The following PLAC1 variants were observed in gnomAD, a reference collection of about 807,000 sequenced individuals.
The protein encoded by PLAC1 is placenta associated 1.
For synonymous variants in PLAC1, 68 were observed against 62.1 expected, an observed-to-expected ratio of 1.09 and a Z score of -0.44; for missense variants, 136 against 163.2, an observed-to-expected ratio of 0.83 and a Z score of 0.91.
In PLAC1 at chrX:134,596,704, C is replaced by T. The variant is rs180903798; in HGVS notation, c.-59+5347G>A. On this transcript the variant is annotated intron_variant, in intron 2 of 2. Coordinates refer to ENST00000359237, the MANE Select transcript of PLAC1 (RefSeq NM_021796.4). ...CTCTACCTCCCTGGGCTCAGTGATC[C>T]TCCTACTTGAGCCTCTCGAGTAGCT... Among the ~76,000 whole-genome samples, 6 of 110,997 alleles carry T rather than the reference C, an allele frequency of 5.4e-5. No individual in the cohort carries two copies. In the Admixed American group the frequency reaches 5.8e-4, roughly 11 times the overall value.
chrX:134,682,294 A>G (rs959687578), intron 2 of PLAC1, among the ~76,000 whole-genome samples: 2 of 112,079 alleles, frequency 1.8e-5, no homozygotes, highest in African/African-American at 3.2e-5. Flanking sequence ...TGCTTCTATA[A>G]TTAAACCGGA....
intron 2 of PLAC1, among the ~76,000 whole-genome samples, chrX:134,586,851 G>A (rs866457123): frequency 2.0e-5 from 2 of 102,036 alleles, no homozygotes; most frequent in African/African-American, 7.3e-5. Flanking sequence ...GTGTGTGTGT[G>A]TGTGTGTGTG....
chrX:134,736,043 C>T (rs778776504), intron 1 of PLAC1, among the ~76,000 whole-genome samples: 2 of 109,552 alleles, frequency 1.8e-5, no homozygotes, highest in East Asian at 2.9e-4. Flanking sequence ...TTTGGGAGGC[C>T]GAGGCAGGCG....
intron 2 of PLAC1, among the ~76,000 whole-genome samples, chrX:134,705,000 T>TTATATATATATATATATATATATATATA: frequency 1.2e-5 from 1 of 81,165 alleles, no homozygotes; most frequent in African/African-American, 5.2e-5. Flanking sequence ...CTCAAAAAAA[T>TTATATATATATATATATATATATATATA]TATATATATA....
chrX:134,616,862 G>A (rs1340399552), intron 1 of PLAC1, among the ~76,000 whole-genome samples: 1 of 108,018 alleles, frequency 9.3e-6, no homozygotes, highest in Non-Finnish European at 1.9e-5. Context: ...TGCAGCCTTC[G>A]CCTCCTTAGT....
Position 134,566,656 on chromosome X carries a change from C to T in PLAC1, c.27G>A (p.Leu9=). 8.3e-7 allele frequency: 1 copy of T among 1,201,329 alleles called. No individual in the cohort carries two copies. Among genetic ancestry groups the T allele is most frequent in the Non-Finnish European group, 1.1e-6 (1 of 888,057 alleles). The change falls in exon 3 of 3, where the codon CTG becomes CTA. Residue 9 remains leucine, a synonymous_variant. Transcript: ENST00000359237. MKVFKFIG[L]MILLTSAFSA... is the part of the protein sequence containing the mutation. ...AAAACGCAGAGGTGAGGAGGATCAT[C>T]AGTCCTATGAACTTAAAAACTTTCA...
intron 2 of PLAC1, among the ~76,000 whole-genome samples, chrX:134,729,888 T>C (rs986584431): frequency 9.0e-6 from 1 of 110,818 alleles, no homozygotes; most frequent in South Asian, 3.9e-4. Context: ...ACCTCCCAGG[T>C]TCAAGTGATT....
chrX:134,580,338 G>A (rs1015025158), intron 2 of PLAC1, among the ~76,000 whole-genome samples: 2 of 112,040 alleles, frequency 1.8e-5, no homozygotes, highest in Non-Finnish European at 3.8e-5. Flanking sequence ...GTATTACTGT[G>A]TTTAGGGCTG....
At chrX:134,642,326 G>A (rs1050531477) in intron 1 of PLAC1, among the ~76,000 whole-genome samples, 1 of 111,826 alleles carries the variant, frequency 8.9e-6, no homozygotes, top group African/African-American at 3.3e-5. Context: ...GCAACAGACT[G>A]TACTAGGAGC....
At chrX:134,575,683 T>C (rs993456342) in intron 2 of PLAC1, among the ~76,000 whole-genome samples, 3 of 106,331 alleles carry the variant, frequency 2.8e-5, no homozygotes, top group Non-Finnish European at 5.8e-5. Flanking sequence ...GCAGGAGAAT[T>C]GCTTGAACCC....
intron 2 of PLAC1, among the ~76,000 whole-genome samples, chrX:134,599,881 T>C (rs1356595273): frequency 9.0e-6 from 1 of 111,507 alleles, no homozygotes; most frequent in Non-Finnish European, 1.9e-5. Context: ...CTTAAAGCCA[T>C]TGGATTTTAT....
chrX:134,762,796 T>TCTATTAAAAGGAATCAA (rs2078772941), intron 1 of PLAC1, among the ~76,000 whole-genome samples: 1 of 79,262 alleles, frequency 1.3e-5, no homozygotes, highest in Non-Finnish European at 2.2e-5. Context: ...CACTCCAGCC[T>TCTATTAAAAGGAATCAA]GGGTGACAGA....
chrX:134,693,954 CA>C (rs1341460014), intron 2 of PLAC1, among the ~76,000 whole-genome samples: 6 of 111,062 alleles, frequency 5.4e-5, no homozygotes, highest in African/African-American at 1.6e-4. Flanking sequence ...TGATCTGGTA[CA>C]AGGTTGTAGG....
chrX:134,736,696 C>T (rs989549239), intron 1 of PLAC1, among the ~76,000 whole-genome samples: 1 of 112,072 alleles, frequency 8.9e-6, no homozygotes, highest in Non-Finnish European at 1.9e-5. Context: ...AAGGCTCTGG[C>T]GCCCTTCAAC....
intron 1 of PLAC1, among the ~76,000 whole-genome samples, chrX:134,622,149 G>A (rs2078214100): frequency 1.8e-5 from 2 of 111,762 alleles, no homozygotes; most frequent in Admixed American, 9.5e-5. Context: ...GAAGCTCTGT[G>A]CAAATGCTGG....
rs761994653 is a variant in PLAC1, at chrX:134,645,546, C to T, written c.-131+12782G>A. Among the ~76,000 whole-genome samples the T allele has an allele frequency of 4.6e-4, 51 of 111,518 alleles. 1 individual carries two copies. Among genetic ancestry groups the T allele is most frequent in the East Asian group, 2.8e-4 (1 of 3,526 alleles). On this transcript the variant is annotated intron_variant, in intron 1 of 2. Coordinates refer to ENST00000359237, the MANE Select transcript of PLAC1 (RefSeq NM_021796.4). ...TTCTCTTCCTTTTGTTTGGCTGCTA[C>T]GCATTGTTGTGTAGTGTGTACAAGT... is the stretch of plus-strand genomic sequence containing the variant.
At chrX:134,677,591 A>C (rs1449084905) in intron 2 of PLAC1, among the ~76,000 whole-genome samples, 1 of 111,149 alleles carries the variant, frequency 9.0e-6, no homozygotes, top group Non-Finnish European at 1.9e-5. Context: ...GGAAGGGTTT[A>C]AGGAAAGAAG....
intron 1 of PLAC1, among the ~76,000 whole-genome samples, chrX:134,618,981 C>G (rs73566631): frequency 0.053 from 5,991 of 112,107 alleles, 427 homozygotes; most frequent in African/African-American, 0.18. Flanking sequence ...ATGGTTAATA[C>G]CCTGCAAATA....
intron 1 of PLAC1, among the ~76,000 whole-genome samples, chrX:134,638,115 A>G (rs183516483): frequency 1.0e-3 from 117 of 112,306 alleles, no homozygotes; most frequent in Non-Finnish European, 1.6e-3. Flanking sequence ...AAAGAGGATG[A>G]TGAACATTTA....
Sources: allele counts gnomAD v4.1 joint callset (sites outside exome capture counted in the v4.1 genomes callset), GRCh38; gene constraint gnomAD v4.1.1; transcripts MANE v1.5; gene names NCBI Gene and HGNC (gene_info 2026-07-23, HGNC 2026-07-21).